MTA2: variants seen among roughly 807,000 people sequenced by gnomAD.
MTA2 encodes metastasis-associated protein MTA2.
MTA2 carries 22 observed loss-of-function variants against 87.1 expected under a neutral mutation model. That is an observed-to-expected ratio of 0.25 (90% CI 0.18 to 0.36). The LOEUF is 0.36. MTA2 is among the 10% of genes least tolerant of loss of function. MTA2 has a pLI of 1.00. For missense variants in MTA2, 542 were observed against 853.2 expected (o/e 0.64, Z 4.54); for synonymous variants, 314 against 310.1 (o/e 1.01, Z -0.13).
intron 8 of MTA2, among the ~76,000 whole-genome samples, 181 bp downstream of exon 8, chr11:62,597,135 G>T (rs1942109938): frequency 6.6e-6 from 1 of 151,750 alleles, no homozygotes; most frequent in African/African-American, 2.4e-5. Flanking sequence ...CTTGCAGTGA[G>T]CTGAGATTGC....
intron 15 of MTA2, 44 bp downstream of exon 15, chr11:62,594,937 G>C (rs1565043404): frequency 1.3e-6 from 2 of 1,552,878 alleles, no homozygotes; most frequent in Middle Eastern, 1.9e-4. Flanking sequence ...GACAGGGAAA[G>C]GACTGGGAGC....
intron 3 of MTA2, 55 bp downstream of exon 3, chr11:62,600,111 A>G: frequency 1.3e-6 from 2 of 1,499,116 alleles, no homozygotes; most frequent in South Asian, 2.3e-5. Flanking sequence ...CTGCAGGGAC[A>G]TGCCCAGGCC....
Position 62,596,628 on chromosome 11 carries a change from T to C in MTA2, c.882+9A>G, listed in dbSNP as rs367692244. ...TCTCCCACTTCTCCTCCTAGTGCCA[T>C]CCACTTACAAAATCCTGGCGAATAT... is the stretch of plus-strand genomic sequence containing the variant. On this transcript the variant is annotated intron_variant, in intron 9 of 17. Coordinates refer to ENST00000278823, the MANE Select transcript of MTA2 (RefSeq NM_004739.4). 1.1e-5 allele frequency: 17 copies of C among 1,611,740 alleles called. No homozygotes were observed. The highest frequency in any genetic ancestry group is 1.7e-5 in the Admixed American group (1 of 59,856).
intron 15 of MTA2, 38 bp from the exon 16 acceptor site, chr11:62,594,672 C>T (rs755419768): frequency 3.2e-6 from 5 of 1,568,616 alleles, no homozygotes; most frequent in Non-Finnish European, 1.8e-6. Context: ...CTTTTCTTCC[C>T]ACGCAGTTCC....
Position 62,595,339 on chromosome 11 carries a change from T to C in MTA2, c.1408A>G (p.Arg470Gly), listed in dbSNP as rs140752295. 8 of 1,614,218 alleles carry C rather than the reference T, an allele frequency of 5.0e-6. No individual in the cohort carries two copies. In the East Asian group the frequency reaches 1.3e-4, roughly 27 times the overall value. Residue 470 changes from arginine (R) to glycine (G), a missense_variant, in exon 14 of 18, where the codon AGG becomes GGG. Physicochemically the swap from Arg to Gly is moderately radical, Grantham distance 125. Transcript: ENST00000278823. This position sits in a 1 kb window ranked among gnomAD's most constrained non-coding sequence, Gnocchi z 4.9. Reference protein sequence around the residue: ...KLTRLARRMCRDLLQPRRAAR... With the variant: ...KLTRLARRMCGDLLQPRRAAR... ...GCCCTCCTTGGCTGTAATAGGTCCC[T>C]GCACATGCGTCTGGCAAGACGGGTC...
intron 16 of MTA2, 39 bp from the exon 17 acceptor site, chr11:62,594,446 CCT>C: frequency 6.2e-7 from 1 of 1,613,750 alleles, no homozygotes; most frequent in South Asian, 1.1e-5. Flanking sequence ...GGGAAGGGAC[CCT>C]CTCAGACTCC....
At position 62,595,043 on chromosome 11, in the gene MTA2, T is replaced by C. The variant is rs755704161; in HGVS notation, c.1511A>G (p.Lys504Arg). ...CAGAGGGTGAATCTTCAATGGAGTC[T>C]TGGCGGCCTTAGGAAGTCGAATGGA... is the stretch of plus-strand genomic sequence containing the variant. ...ECSIRLPKAA[K>R]TPLKIHPLVR... The change falls in exon 15 of 18, where the codon AAG becomes AGG. Residue 504 changes from lysine to arginine, a missense_variant. By Grantham distance (26) the Lys-to-Arg change is conservative (BLOSUM62 2). This residue lies in a region of MTA2 where 269 missense variants were observed against 346.4 expected (regional missense o/e 0.78). Coordinates refer to ENST00000278823, the MANE Select transcript of MTA2 (RefSeq NM_004739.4). This position sits in a 1 kb window ranked among gnomAD's most constrained non-coding sequence, Gnocchi z 4.9. 1 of 1,614,156 alleles carries C rather than the reference T, an allele frequency of 6.2e-7. No individual in the cohort carries two copies. The highest frequency in any genetic ancestry group is 1.7e-5 in the Admixed American group (1 of 60,022).
At chr11:62,599,640 G>A (rs1471584122) in intron 3 of MTA2, among the ~76,000 whole-genome samples, 1 of 150,934 alleles carries the variant, frequency 6.6e-6, no homozygotes, top group Non-Finnish European at 1.5e-5. Context: ...AATGAAGATA[G>A]GGCAAAATGA....
chr11:62,596,199 C>A, intron 11 of MTA2, 80 bp downstream of exon 11: 3 of 1,594,450 alleles, frequency 1.9e-6, no homozygotes, highest in Non-Finnish European at 2.6e-6. Context: ...TACCTCCTGC[C>A]CACCCCCAAT....
chr11:62,601,258 G>C lies in MTA2; in HGVS notation c.28+165C>G, dbSNP rs986118679. The C allele has an allele frequency of 4.6e-6, 4 of 869,436 alleles. No individual in the cohort carries two copies. In the African/African-American group the frequency reaches 7.1e-5, roughly 15 times the overall value. 53.9% of individuals were successfully genotyped at this position (869,436 alleles called of 1,614,324 possible). ...GAGTCTCGGAGCCCTGCCGCGTCGC[G>C]GTTCCCCGCACCCTCTCTCCTCGTC... is the stretch of plus-strand genomic sequence containing the variant. On this transcript the variant is annotated intron_variant, in intron 1 of 17. Coordinates refer to ENST00000278823, the MANE Select transcript of MTA2 (RefSeq NM_004739.4).
At chr11:62,597,741 G>T in intron 6 of MTA2, 29 bp from the exon 7 acceptor site, 1 of 1,582,186 alleles carries the variant, frequency 6.3e-7, no homozygotes, top group South Asian at 1.1e-5. Flanking sequence ...GCATCAACAG[G>T]GAGAGGGCAG....
chr11:62,594,244 T>A lies in MTA2; in HGVS notation c.1841+15A>T, dbSNP rs1942065162. On this transcript the variant is annotated intron_variant, in intron 17 of 17. Coordinates refer to ENST00000278823, the MANE Select transcript of MTA2 (RefSeq NM_004739.4). ...GGACTGTCCCTCTCAGCCCCTCCCA[T>A]GGTAGACGCCTTACCTGGTATCCTT... 1 of 1,614,030 alleles carries A rather than the reference T, an allele frequency of 6.2e-7. No homozygotes were observed. The highest frequency in any genetic ancestry group is 1.3e-5 in the African/African-American group (1 of 75,036).
At chr11:62,597,846 T>C (rs1942120257) in intron 6 of MTA2, 134 bp from the exon 7 acceptor site, 1 of 1,011,152 alleles carries the variant, frequency 9.9e-7, no homozygotes. Flanking sequence ...TCTTCCCAAC[T>C]GTTCCCATTT....
intron 3 of MTA2, 33 bp downstream of exon 3, chr11:62,600,133 G>A (rs777866981): frequency 3.2e-6 from 5 of 1,581,200 alleles, no homozygotes; most frequent in African/African-American, 2.7e-5. Context: ...CAGATCATGG[G>A]TAGGAGAAAA....
At chr11:62,594,836 A>G in intron 15 of MTA2, 145 bp downstream of exon 15, 1 of 914,518 alleles carries the variant, frequency 1.1e-6, no homozygotes, top group Non-Finnish European at 1.7e-6. Flanking sequence ...ATAGTTTACA[A>G]AAAAAATTAT....
At chr11:62,597,146 G>A (rs1436668881) in intron 8 of MTA2, among the ~76,000 whole-genome samples, 170 bp downstream of exon 8, 4 of 151,120 alleles carry the variant, frequency 2.6e-5, no homozygotes, top group African/African-American at 7.3e-5. Context: ...CTGAGATTGC[G>A]CCACTGCACT....
Position 62,593,689 on chromosome 11 carries a change from T to C in MTA2, c.*186A>G, listed in dbSNP as rs771523446. The C allele has an allele frequency of 2.7e-5, 18 of 667,494 alleles. No individual in the cohort carries two copies. The highest frequency in any genetic ancestry group is 4.2e-5 in the Non-Finnish European group (17 of 403,672). 41.3% of individuals were successfully genotyped at this position (667,494 alleles called of 1,614,324 possible). ...GCAGTCTGTCCTCCATCGGCAAGCA[T>C]GGAGGCATGAGACAAGTCTCGAGGT... On this transcript the variant is annotated 3_prime_UTR_variant, in exon 18 of 18. Transcript: ENST00000278823.
rs1419386667 is a variant in MTA2, at chr11:62,593,228, TTTTA to T, written c.*643_*646del. The T allele has an allele frequency of 9.2e-5, 14 of 152,048 alleles. No individual in the cohort carries two copies. Among genetic ancestry groups the T allele is most frequent in the African/African-American group, 1.5e-4 (6 of 41,348 alleles). The allele number at this position is 152,048 out of a possible 1,614,324, so 9.4% of individuals were successfully genotyped here. On this transcript the variant is annotated 3_prime_UTR_variant, in exon 18 of 18. Transcript: ENST00000278823. Reference sequence around the variant, plus strand: ...CCAGGAGAAGCTGAAGAAAACAGCTTTTTATTTGTTACTATAAGAACCAATTACA... The same window carrying T: ...CCAGGAGAAGCTGAAGAAAACAGCTTTTTGTTACTATAAGAACCAATTACA...
At chr11:62,599,669 T>TG (rs1942150918) in intron 3 of MTA2, among the ~76,000 whole-genome samples, 2 of 43,834 alleles carry the variant, frequency 4.6e-5, no homozygotes, top group African/African-American at 1.8e-4. Flanking sequence ...AGATGTAAAA[T>TG]GGAGGGGGGC....
Sources: allele counts gnomAD v4.1 joint callset (sites outside exome capture counted in the v4.1 genomes callset), GRCh38; gene constraint gnomAD v4.1.1; regional missense constraint gnomAD v4.1.1; non-coding constraint Gnocchi (gnomAD v3.1); transcripts MANE v1.5; gene names NCBI Gene and HGNC (gene_info 2026-07-23, HGNC 2026-07-21).